DYRK1B: variants seen among roughly 807,000 people sequenced by gnomAD.
DYRK1B encodes dual specificity tyrosine phosphorylation regulated kinase 1B.
Under a neutral mutation model 57.1 loss-of-function variants are expected in DYRK1B, and 20 were observed. That is an observed-to-expected ratio of 0.35 (90% CI 0.25 to 0.51). The LOEUF is 0.51. Ranked by LOEUF, DYRK1B falls within the 20% of genes least tolerant of loss-of-function variation. DYRK1B has a pLI of 0.96. For synonymous variants in DYRK1B, 409 were observed against 384.7 expected (o/e 1.06, Z -0.74); for missense variants, 732 against 886.3 (o/e 0.83, Z 2.21).
intron 2 of DYRK1B, 21 bp from the exon 3 acceptor site, chr19:39,830,804 T>C (rs1243687378): frequency 6.2e-7 from 1 of 1,601,932 alleles, no homozygotes; most frequent in East Asian, 2.2e-5. Context: ...GGGTGAGGGG[T>C]GGGCACTGAG....
intron 4 of DYRK1B, 168 bp from the exon 5 acceptor site, chr19:39,830,195 T>C (rs1478739111): frequency 1.5e-5 from 17 of 1,140,772 alleles, no homozygotes; most frequent in Non-Finnish European, 2.0e-5. Flanking sequence ...TGAAATAACA[T>C]AACGACCTTA....
chr19:39,826,703 A>G lies in DYRK1B; in HGVS notation c.1380T>C (p.Ser460=), dbSNP rs774635869. 6 of 1,605,930 alleles carry G rather than the reference A, an allele frequency of 3.7e-6. No homozygotes were observed. Among genetic ancestry groups the G allele is most frequent in the African/African-American group, 1.3e-5 (1 of 74,516 alleles). The change falls in exon 9 of 11, where the codon TCT becomes TCC. Residue 460 remains serine (S), a synonymous_variant. Transcript: ENST00000323039. This position sits in a 1 kb window ranked among gnomAD's most constrained non-coding sequence, Gnocchi z 6.3. The part of the protein sequence containing the change: ...TSPAPLDTCP[S]SSTASSISSS... ...TGGAGATGGAGCTGGCGGTGCTGGA[A>G]GAGGGGCAGGTGTCGAGGGGCGCGG...
intron 6 of DYRK1B, 114 bp from the exon 7 acceptor site, chr19:39,827,770 G>C: frequency 7.5e-7 from 1 of 1,330,056 alleles, no homozygotes; most frequent in Non-Finnish European, 1.0e-6. Flanking sequence ...AATGGGGACT[G>C]AGGCTCCAAA....
At position 39,828,238 on chromosome 19, in the gene DYRK1B, C is replaced by A; in HGVS notation, c.807+59G>T. On this transcript the variant is annotated intron_variant, in intron 6 of 10. Coordinates refer to ENST00000323039, the MANE Select transcript of DYRK1B (RefSeq NM_004714.3). The surrounding 1 kb of genome is among the most constrained non-coding windows in gnomAD (Gnocchi z 4.3). Reference sequence around the variant, plus strand: ...AGCCAAGCCCCGCCCCTAAGCCTCCCGTTGGCTCTGCCCCACCCAAACTAC... The same window carrying A: ...AGCCAAGCCCCGCCCCTAAGCCTCCAGTTGGCTCTGCCCCACCCAAACTAC... 2 of 1,574,222 alleles carry A rather than the reference C, an allele frequency of 1.3e-6. No homozygotes were observed. Among genetic ancestry groups the A allele is most frequent in the Non-Finnish European group, 8.6e-7 (1 of 1,156,878 alleles).
Position 39,826,544 on chromosome 19 carries a change from A to G in DYRK1B, c.1411+128T>C, listed in dbSNP as rs1968547168. ...GCCAGTTGGAGCTCTCCCATCCCAC[A>G]CGTCATCTTACAGTTCAGGATCAGT... On this transcript the variant is annotated intron_variant, in intron 9 of 10. Transcript: ENST00000323039. This position sits in a 1 kb window ranked among gnomAD's most constrained non-coding sequence, Gnocchi z 6.3. 2 of 1,122,090 alleles carry G rather than the reference A, an allele frequency of 1.8e-6. No homozygotes were observed. Among genetic ancestry groups the G allele is most frequent in the Admixed American group, 6.4e-5 (2 of 31,310 alleles). 69.5% of individuals were successfully genotyped at this position (1,122,090 alleles called of 1,614,324 possible). A position where few individuals can be genotyped will look rare whatever the true frequency, so the allele number is the denominator to read the frequency against.
In DYRK1B at chr19:39,831,895, G is replaced by C. The variant is rs1289008132; in HGVS notation, c.-28C>G. ...TGGGCTCAGAGGGCCGCAGGGGAGC[G>C]AGGCCTGGAGCGGGAGCCCGGCCGG... On this transcript the variant is annotated 5_prime_UTR_variant, in exon 2 of 11. Coordinates refer to ENST00000323039, the MANE Select transcript of DYRK1B (RefSeq NM_004714.3). 2.7e-6 allele frequency: 4 copies of C among 1,455,116 alleles called. No homozygotes were observed. The South Asian group carries it at 4.2e-5, about 15-fold the overall frequency. 90.1% of individuals were successfully genotyped at this position (1,455,116 alleles called of 1,614,324 possible). A position where few individuals can be genotyped will look rare whatever the true frequency, so the allele number is the denominator to read the frequency against.
Position 39,831,886 on chromosome 19 carries a change from C to A in DYRK1B, c.-19G>T. 1.4e-6 allele frequency: 2 copies of A among 1,471,500 alleles called. No homozygotes were observed. Among genetic ancestry groups the A allele is most frequent in the South Asian group, 1.3e-5 (1 of 74,680 alleles). The allele number at this position is 1,471,500 out of a possible 1,614,324, so 91.2% of individuals were successfully genotyped here. On this transcript the variant is annotated 5_prime_UTR_variant, in exon 2 of 11. Coordinates refer to ENST00000323039, the MANE Select transcript of DYRK1B (RefSeq NM_004714.3). ...CGGCCATGGTGGGCTCAGAGGGCCG[C>A]AGGGGAGCGAGGCCTGGAGCGGGAG...
chr19:39,830,608 A>G, intron 3 of DYRK1B, 45 bp from the exon 4 acceptor site: 1 of 1,613,528 alleles, frequency 6.2e-7, no homozygotes, highest in Non-Finnish European at 8.5e-7. Context: ...TGAGTGACTC[A>G]TGCCAGCAGA....
At chr19:39,827,103 A>G (rs1475933469) in intron 8 of DYRK1B, 116 bp from the exon 9 acceptor site, 1 of 1,138,674 alleles carries the variant, frequency 8.8e-7, no homozygotes, top group African/African-American at 1.6e-5. Flanking sequence ...AGAAAAGCTA[A>G]GAAGAGTTGT....
At chr19:39,827,074 C>A in intron 8 of DYRK1B, 87 bp from the exon 9 acceptor site, 1 of 1,229,816 alleles carries the variant, frequency 8.1e-7, no homozygotes, top group South Asian at 1.6e-5. Context: ...GAAACAGAGG[C>A]ACAAGAGAGA....
chr19:39,826,657 C>G lies in DYRK1B; in HGVS notation c.1411+15G>C. ...CCCCACCCGTTGTACCCCATTTGGG[C>G]ACCTGGGCACCCACCAGAACTGGAG... On this transcript the variant is annotated intron_variant, in intron 9 of 10. Coordinates refer to ENST00000323039, the MANE Select transcript of DYRK1B (RefSeq NM_004714.3). This position sits in a 1 kb window ranked among gnomAD's most constrained non-coding sequence, Gnocchi z 6.3. 6.3e-7 allele frequency: 1 copy of G among 1,582,842 alleles called. No homozygotes were observed. Among genetic ancestry groups the G allele is most frequent in the Non-Finnish European group, 8.6e-7 (1 of 1,166,906 alleles).
At chr19:39,830,818 G>C in intron 2 of DYRK1B, 35 bp from the exon 3 acceptor site, 1 of 1,585,750 alleles carries the variant, frequency 6.3e-7, no homozygotes, top group Non-Finnish European at 8.6e-7. Flanking sequence ...CACTGAGGAC[G>C]TGCCTTCACC....
rs1010396277 is a variant in DYRK1B, at chr19:39,826,924, C to G, written c.1159G>C (p.Gly387Arg). Residue 387 changes from glycine (G) to arginine (R), a missense_variant, in exon 9 of 11, where the codon GGG becomes CGG. Gly to Arg is a moderately radical substitution (Grantham distance 125). Coordinates refer to ENST00000323039, the MANE Select transcript of DYRK1B (RefSeq NM_004714.3). The surrounding 1 kb of genome is among the most constrained non-coding windows in gnomAD (Gnocchi z 6.3). The part of the protein sequence containing the change: ...EVLGVQTGGP[G>R]GRRAGEPGHS... ...CCCGGCTCCCCCGCCCGCCGGCCCC[C>G]GGGCCCGCCCGTCTGCACGCCCAGC... 2 of 1,263,788 alleles carry G rather than the reference C, an allele frequency of 1.6e-6. No homozygotes were observed. The highest frequency in any genetic ancestry group is 2.0e-6 in the Non-Finnish European group (2 of 999,706). 78.3% of individuals were successfully genotyped at this position (1,263,788 alleles called of 1,614,324 possible).
rs759033650 is a variant in DYRK1B, at chr19:39,834,154, G to A, written c.-233C>T. 8.3e-6 allele frequency: 2 copies of A among 241,524 alleles called. No individual in the cohort carries two copies. The highest frequency in any genetic ancestry group is 1.7e-5 in the Non-Finnish European group (2 of 121,044). 15.0% of individuals were successfully genotyped at this position (241,524 alleles called of 1,614,324 possible). On this transcript the variant is annotated 5_prime_UTR_variant, in exon 1 of 11. Coordinates refer to ENST00000323039, the MANE Select transcript of DYRK1B (RefSeq NM_004714.3). ...CCAGTAATGCAACCAGCAAAATGGC[G>A]ACCACAACAAACCGGCCCCCCCACG...
In DYRK1B at chr19:39,828,578, G is replaced by T. The variant is rs538827167; in HGVS notation, c.526C>A (p.Leu176Met). The T allele has an allele frequency of 3.9e-5, 63 of 1,606,066 alleles. No individual in the cohort carries two copies. The South Asian group carries it at 6.3e-4, about 16-fold the overall frequency. ...TTCCGGAACATGAAGTGCCGCTTCA[G>T]GTGTACTGCGGGGGAGGGGAGGAAA... ...DTEMKYYIVH[L>M]KRHFMFRNHL... Residue 176 changes from leucine to methionine, a missense_variant, in exon 6 of 11, where the codon CTG becomes ATG. Physicochemically the swap from Leu to Met is conservative, Grantham distance 15. Transcript: ENST00000323039. This position sits in a 1 kb window ranked among gnomAD's most constrained non-coding sequence, Gnocchi z 4.3.
chr19:39,826,324 G>A lies in DYRK1B; in HGVS notation c.1412-38C>T, dbSNP rs1968536725. The A allele has an allele frequency of 6.7e-7, 1 of 1,487,534 alleles. No homozygotes were observed. Among genetic ancestry groups the A allele is most frequent in the Non-Finnish European group, 9.0e-7 (1 of 1,108,122 alleles). 92.1% of individuals were successfully genotyped at this position (1,487,534 alleles called of 1,614,324 possible). A position where few individuals can be genotyped will look rare whatever the true frequency, so the allele number is the denominator to read the frequency against. ...GGGAGGAGAGGTGAAGGGGCATAAG[G>A]TGAGAGAAGGTGGCGAGTGGGTTTT... On this transcript the variant is annotated intron_variant, in intron 9 of 10. Transcript: ENST00000323039. This position sits in a 1 kb window ranked among gnomAD's most constrained non-coding sequence, Gnocchi z 6.3.
Position 39,826,570 on chromosome 19 carries a change from T to A in DYRK1B, c.1411+102A>T. ...CGTCATCTTACAGTTCAGGATCAGT[T>A]TCGGCGCTTTGTGTGAAGACCCAGT... On this transcript the variant is annotated intron_variant, in intron 9 of 10. Transcript: ENST00000323039. This position sits in a 1 kb window ranked among gnomAD's most constrained non-coding sequence, Gnocchi z 6.3. 7.8e-7 allele frequency: 1 copy of A among 1,289,582 alleles called. No individual in the cohort carries two copies. Among genetic ancestry groups the A allele is most frequent in the Non-Finnish European group, 1.0e-6 (1 of 970,054 alleles). The allele number at this position is 1,289,582 out of a possible 1,614,324, so 79.9% of individuals were successfully genotyped here. A position where few individuals can be genotyped will look rare whatever the true frequency, so the allele number is the denominator to read the frequency against.
In DYRK1B at chr19:39,828,604, T is replaced by C. The variant is rs1431462365; in HGVS notation, c.521-21A>G. The C allele has an allele frequency of 3.1e-6, 5 of 1,596,256 alleles. No homozygotes were observed. Among genetic ancestry groups the C allele is most frequent in the Non-Finnish European group, 4.3e-6 (5 of 1,167,522 alleles). ...GTGTACTGCGGGGGAGGGGAGGAAA[T>C]GGGCCAGAGAAGAAACGGCTCAGAG... On this transcript the variant is annotated intron_variant, in intron 5 of 10. Coordinates refer to ENST00000323039, the MANE Select transcript of DYRK1B (RefSeq NM_004714.3). The surrounding 1 kb of genome is among the most constrained non-coding windows in gnomAD (Gnocchi z 4.3).
chr19:39,830,218 T>C lies in DYRK1B; in HGVS notation c.372+157A>G, dbSNP rs1020420892. ...CATAACGACCTTATGTTGAGTCTTG[T>C]TATTTAAACTGTTTTACAGAAAAGG... On this transcript the variant is annotated intron_variant, in intron 4 of 10. Coordinates refer to ENST00000323039, the MANE Select transcript of DYRK1B (RefSeq NM_004714.3). 8.6e-6 allele frequency: 10 copies of C among 1,161,662 alleles called. No homozygotes were observed. In the African/African-American group the frequency reaches 1.4e-4, roughly 16 times the overall value. The allele number at this position is 1,161,662 out of a possible 1,614,324, so 72.0% of individuals were successfully genotyped here. A position where few individuals can be genotyped will look rare whatever the true frequency, so the allele number is the denominator to read the frequency against.
Sources: allele counts gnomAD v4.1 joint callset, GRCh38; gene constraint gnomAD v4.1.1; non-coding constraint Gnocchi (gnomAD v3.1); transcripts MANE v1.5; gene names NCBI Gene and HGNC (gene_info 2026-07-23, HGNC 2026-07-21).